Variants in NDST4 observed in about 807,000 individuals in gnomAD.
NDST4 encodes N-deacetylase and N-sulfotransferase 4, also known as N-heparan sulfate sulfotransferase 4.
Under a neutral mutation model 100.8 loss-of-function variants are expected in NDST4, and 63 were observed. The observed-to-expected ratio is 0.62, with a 90% CI of 0.51 to 0.77. The LOEUF (loss-of-function observed/expected upper bound fraction) is 0.77. NDST4 is among the 30% of genes least tolerant of loss of function. The pLI, the probability that NDST4 is intolerant of heterozygous loss-of-function variation, is 0.00. For missense variants in NDST4, 943 were observed against 1,018.4 expected, an observed-to-expected ratio of 0.93 and a Z score of 1.01; for synonymous variants, 377 against 361.8, an observed-to-expected ratio of 1.04 and a Z score of -0.48.
At chr4:115,060,876 T>A (rs1178881250) in intron 2 of NDST4, among the ~76,000 whole-genome samples, 1 of 152,038 alleles carries the variant, frequency 6.6e-6, no homozygotes, top group Non-Finnish European at 1.5e-5. Context: ...GGAAATGAGC[T>A]AATTTTCTTC....
intron 12 of NDST4, among the ~76,000 whole-genome samples, chr4:114,831,811 C>CA (rs1218606661): frequency 5.9e-5 from 9 of 152,190 alleles, no homozygotes; most frequent in Non-Finnish European, 1.2e-4. Flanking sequence ...TTAAGTCTAA[C>CA]AAAGGACATT....
intron 12 of NDST4, among the ~76,000 whole-genome samples, chr4:114,833,200 T>C (rs1158481883): frequency 1.3e-5 from 2 of 152,226 alleles, no homozygotes; most frequent in African/African-American, 2.4e-5. Flanking sequence ...TAATAAAACA[T>C]GAATATACTC....
chr4:115,052,510 GA>G (rs1024013589), intron 2 of NDST4, among the ~76,000 whole-genome samples: 34 of 151,998 alleles, frequency 2.2e-4, no homozygotes, highest in African/African-American at 8.2e-4. Context: ...TCATGGGGGC[GA>G]GTCTTCCCCA....
chr4:114,829,289 T>TGTTTTA lies in NDST4; in HGVS notation c.2499+500_2499+501insTAAAAC, dbSNP rs1296688624. Among the ~76,000 whole-genome samples the TGTTTTA allele has an allele frequency of 3.2e-3, 489 of 152,296 alleles. 3 individuals carry two copies. The highest frequency in any genetic ancestry group is 0.011 in the African/African-American group (445 of 41,560). ...TGCCGTTTTCTGGTTTCGTTTGTCA[T>TGTTTTA]TGTTTTACGTTTTTATGTCCCTAAT... On this transcript the variant is annotated intron_variant, in intron 13 of 13. Transcript: ENST00000264363.
intron 6 of NDST4, among the ~76,000 whole-genome samples, chr4:114,897,151 G>C (rs750562964): frequency 1.3e-4 from 20 of 152,100 alleles, no homozygotes; most frequent in Non-Finnish European, 2.4e-4. Context: ...TATAGATTTA[G>C]ACAGATGTAT....
At chr4:114,991,073 A>T (rs1309121705) in intron 2 of NDST4, among the ~76,000 whole-genome samples, 4 of 151,420 alleles carry the variant, frequency 2.6e-5, no homozygotes, top group African/African-American at 9.8e-5. Flanking sequence ...AGAAGAGGTT[A>T]TCAAACCCTG....
chr4:115,070,520 TA>T (rs1729052452), intron 2 of NDST4, among the ~76,000 whole-genome samples: 1 of 152,194 alleles, frequency 6.6e-6, no homozygotes. Context: ...TTTAAAAACA[TA>T]ATTAGTTTCT....
chr4:114,901,208 C>G (rs920766277), intron 6 of NDST4, among the ~76,000 whole-genome samples: 1 of 151,966 alleles, frequency 6.6e-6, no homozygotes, highest in African/African-American at 2.4e-5. Context: ...TACTGCTTTT[C>G]TCCCTGATGA....
chr4:114,983,563 T>G (rs1007812856), intron 2 of NDST4, among the ~76,000 whole-genome samples: 2 of 152,198 alleles, frequency 1.3e-5, no homozygotes, highest in African/African-American at 4.8e-5. Context: ...CTGCATTGTA[T>G]CTTGGAAGTA....
At chr4:115,048,097 AT>A (rs34190385) in intron 2 of NDST4, among the ~76,000 whole-genome samples, 309 of 146,574 alleles carry the variant, frequency 2.1e-3, no homozygotes, top group Admixed American at 2.8e-3. Flanking sequence ...GAAGTTTATA[AT>A]TTTTTTTTTT....
chr4:115,080,691 AGT>A lies in NDST4; in HGVS notation c.-246-3411_-246-3410del, dbSNP rs34472301. On this transcript the variant is annotated intron_variant, in intron 1 of 13. Transcript: ENST00000264363. ...ACATATATACATATATATAGTGTGT[AGT>A]GTGTGTGTGTGTGTGTAATAATGAA... Among the ~76,000 whole-genome samples the A allele has an allele frequency of 1.4e-4, 13 of 93,998 alleles. No individual in the cohort carries two copies. The East Asian group carries it at 1.4e-3, about 10-fold the overall frequency. 61.7% of individuals were successfully genotyped at this position (93,998 alleles called of 152,430 possible).
At chr4:114,884,311 G>A (rs1414386825) in intron 6 of NDST4, among the ~76,000 whole-genome samples, 1 of 152,076 alleles carries the variant, frequency 6.6e-6, no homozygotes, top group African/African-American at 2.4e-5. Context: ...GAGGTAGTCA[G>A]AATTGGGAGG....
At chr4:114,963,100 C>T (rs989103921) in intron 4 of NDST4, among the ~76,000 whole-genome samples, 3 of 152,038 alleles carry the variant, frequency 2.0e-5, no homozygotes, top group Non-Finnish European at 4.4e-5. Flanking sequence ...CAAAAACTTG[C>T]ACCTGAATGC....
At chr4:115,037,602 ACTTTT>A (rs748536841) in intron 2 of NDST4, among the ~76,000 whole-genome samples, 3 of 152,068 alleles carry the variant, frequency 2.0e-5, no homozygotes, top group Non-Finnish European at 2.9e-5. Flanking sequence ...GTGATCAAGG[ACTTTT>A]CTTTATGTAT....
At chr4:114,886,846 C>A (rs77846781) in intron 6 of NDST4, among the ~76,000 whole-genome samples, 2 of 152,062 alleles carry the variant, frequency 1.3e-5, no homozygotes, top group South Asian at 4.1e-4. Context: ...AATAACAAAA[C>A]GAATTTTTGA....
In NDST4 at chr4:114,991,365, C is replaced by T. The variant is rs376816308; in HGVS notation, c.979-14091G>A. Reference sequence around the variant, plus strand: ...GGAGCAAGACTCCTCTTTTGCATGACGAATGAGTTATGGGGTGAAGAGAAC... The same window carrying T: ...GGAGCAAGACTCCTCTTTTGCATGATGAATGAGTTATGGGGTGAAGAGAAC... On this transcript the variant is annotated intron_variant, in intron 2 of 13. Coordinates refer to ENST00000264363, the MANE Select transcript of NDST4 (RefSeq NM_022569.3). Among the ~76,000 whole-genome samples, 7 of 152,124 alleles carry T rather than the reference C, an allele frequency of 4.6e-5. No homozygotes were observed. In the South Asian group the frequency reaches 1.2e-3, roughly 27 times the overall value.
chr4:115,024,084 T>G (rs1727925671), intron 2 of NDST4, among the ~76,000 whole-genome samples: 1 of 152,148 alleles, frequency 6.6e-6, no homozygotes, highest in African/African-American at 2.4e-5. Context: ...CATGATGATC[T>G]TCACCTCCAT....
chr4:115,105,364 T>A (rs1277409801), intron 1 of NDST4, among the ~76,000 whole-genome samples: 6 of 152,154 alleles, frequency 3.9e-5, no homozygotes, highest in Non-Finnish European at 8.8e-5. Context: ...AACTTTCACT[T>A]ACTCAAGAAA....
At chr4:114,847,899 A>G (rs1323214050) in intron 9 of NDST4, among the ~76,000 whole-genome samples, 10 of 152,338 alleles carry the variant, frequency 6.6e-5, no homozygotes, top group Non-Finnish European at 1.3e-4. Flanking sequence ...TGTTGAGAAA[A>G]AAATTAGGCA....
Sources: allele counts gnomAD v4.1 joint callset (sites outside exome capture counted in the v4.1 genomes callset), GRCh38; gene constraint gnomAD v4.1.1; transcripts MANE v1.5; gene names NCBI Gene and HGNC (gene_info 2026-07-23, HGNC 2026-07-21).